The following ROS1 variants were observed in gnomAD, a reference collection of about 807,000 sequenced individuals.
The protein encoded by ROS1 is proto-oncogene tyrosine-protein kinase ROS.
ROS1 carries 263 observed loss-of-function variants against 273.5 expected under a neutral mutation model. That is an observed-to-expected ratio of 0.96 (90% CI 0.87 to 1.06). ROS1 has a LOEUF of 1.06. ROS1 is among the 50% of genes least tolerant of loss of function. The pLI is 0.00. For missense variants in ROS1, 2,833 were observed against 2,751.1 expected (o/e 1.03, Z -0.67); for synonymous variants, 1,008 against 954.1 (o/e 1.06, Z -1.04).
chr6:117,406,426 G>C (rs1446191203), intron 5 of ROS1, among the ~76,000 whole-genome samples: 1 of 152,066 alleles, frequency 6.6e-6, no homozygotes, highest in Non-Finnish European at 1.5e-5. Context: ...ACAGACTATA[G>C]ATATGGTCTT....
intron 27 of ROS1, among the ~76,000 whole-genome samples, chr6:117,348,615 T>G (rs1165623888): frequency 1.3e-5 from 2 of 151,874 alleles, no homozygotes; most frequent in Admixed American, 1.3e-4. Context: ...TTTTTTCTTT[T>G]GTTTTAGTTT....
chr6:117,374,712 C>T (rs889862859), intron 18 of ROS1, among the ~76,000 whole-genome samples: 3 of 152,210 alleles, frequency 2.0e-5, no homozygotes, highest in Non-Finnish European at 4.4e-5. Context: ...AAAATATTCA[C>T]AAACTATGTA....
intron 16 of ROS1, among the ~76,000 whole-genome samples, chr6:117,385,277 G>A (rs532645431): frequency 1.7e-4 from 26 of 152,270 alleles, no homozygotes; most frequent in African/African-American, 6.0e-4. Context: ...AGATGAGGCC[G>A]GGAGCGGTGG....
chr6:117,349,840 T>A (rs1274255333), intron 27 of ROS1, among the ~76,000 whole-genome samples: 1 of 152,040 alleles, frequency 6.6e-6, no homozygotes, highest in Admixed American at 6.6e-5. Flanking sequence ...CTTCACAGGT[T>A]TGCAGTACCT....
intron 26 of ROS1, among the ~76,000 whole-genome samples, chr6:117,355,270 A>T (rs1360022367): frequency 6.6e-6 from 1 of 152,222 alleles, no homozygotes; most frequent in Non-Finnish European, 1.5e-5. Flanking sequence ...ATAACTAAGG[A>T]GGAATCATTC....
intron 39 of ROS1, among the ~76,000 whole-genome samples, chr6:117,315,769 T>C (rs1177245568): frequency 6.6e-6 from 1 of 151,936 alleles, no homozygotes; most frequent in African/African-American, 2.4e-5. Context: ...GATTCCCAGG[T>C]TGAATGTGAA....
intron 18 of ROS1, among the ~76,000 whole-genome samples, chr6:117,372,021 G>A (rs1226854399): frequency 6.6e-6 from 1 of 151,178 alleles, no homozygotes; most frequent in Admixed American, 6.5e-5. Context: ...ACTCTCTTGG[G>A]GGCTCTATAG....
intron 6 of ROS1, 27 bp from the exon 7 acceptor site, chr6:117,403,304 G>T: frequency 6.2e-7 from 1 of 1,604,390 alleles, no homozygotes; most frequent in Non-Finnish European, 8.5e-7. Context: ...TCAATCATCA[G>T]CATTATAGAA....
chr6:117,342,379 CACA>C lies in ROS1; in HGVS notation c.4651+18_4651+20del, dbSNP rs1778006665. On this transcript the variant is annotated intron_variant, in intron 29 of 43. Coordinates refer to ENST00000368507, the MANE Select transcript of ROS1 (RefSeq NM_001378902.1). ...ATCACAATATTCTGCTTGAGAAACC[CACA>C]ACAAGCCCATAACTTACCTCCATTT... 1 of 1,606,240 alleles carries C rather than the reference CACA, an allele frequency of 6.2e-7. No individual in the cohort carries two copies. Among genetic ancestry groups the C allele is most frequent in the African/African-American group, 1.3e-5 (1 of 74,582 alleles).
chr6:117,386,619 G>A (rs530273580), intron 15 of ROS1, among the ~76,000 whole-genome samples: 1 of 152,336 alleles, frequency 6.6e-6, no homozygotes, highest in South Asian at 2.1e-4. Flanking sequence ...GATGGCATTG[G>A]TAGATTAATA....
chr6:117,319,806 C>G (rs1211193921), intron 37 of ROS1, 62 bp downstream of exon 37: 10 of 1,438,106 alleles, frequency 7.0e-6, no homozygotes, highest in Non-Finnish European at 9.6e-6. Flanking sequence ...ATAATTATAT[C>G]CAGGTCAATC....
intron 27 of ROS1, among the ~76,000 whole-genome samples, chr6:117,352,405 T>C (rs1778947529): frequency 6.6e-6 from 1 of 152,156 alleles, no homozygotes; most frequent in African/African-American, 2.4e-5. Flanking sequence ...CACAATAAAA[T>C]TCACAGTTTA....
rs73566873 is a variant in ROS1 at position 117,388,836 on chromosome 6, T to A, written c.1786+514A>T. ...AATAAATATTCCCCATTTCCAGGTG[T>A]GGAAACTGAGACACAGAGTGGTTTA... On this transcript the variant is annotated intron_variant, in intron 13 of 43. Coordinates refer to ENST00000368507, the MANE Select transcript of ROS1 (RefSeq NM_001378902.1). Among the ~76,000 whole-genome samples the A allele has an allele frequency of 7.7e-3, 1,168 of 152,316 alleles. 11 individuals carry two copies. Among genetic ancestry groups the A allele is most frequent in the African/African-American group, 0.026 (1,091 of 41,560 alleles).
chr6:117,375,190 G>A (rs1211001777), intron 18 of ROS1, among the ~76,000 whole-genome samples: 1 of 152,204 alleles, frequency 6.6e-6, no homozygotes, highest in East Asian at 1.9e-4. Context: ...AAGTAACCAG[G>A]AATGGAAAAC....
At chr6:117,304,464 T>C (rs940749051) in intron 42 of ROS1, among the ~76,000 whole-genome samples, 1 of 152,248 alleles carries the variant, frequency 6.6e-6, no homozygotes, top group Non-Finnish European at 1.5e-5. Context: ...AGGAGGTTTT[T>C]ACAGTTGTCC....
Position 117,288,558 on chromosome 6 carries a change from A to G in ROS1, c.6960T>C (p.Ser2320=). 1.2e-6 allele frequency: 2 copies of G among 1,614,154 alleles called. No homozygotes were observed. The highest frequency in any genetic ancestry group is 1.1e-5 in the South Asian group (1 of 91,084). ...CATAGTTCAGGCCTTCAGGCTTGCC[A>G]GAAGGGCAGTAAGCCACTTGTTTTT... ...CQEKQVAYCP[S]GKPEGLNYAC... The change falls in exon 44 of 44, where the codon TCT becomes TCC. Residue 2320 remains serine, a synonymous_variant. Coordinates refer to ENST00000368507, the MANE Select transcript of ROS1 (RefSeq NM_001378902.1).
intron 32 of ROS1, among the ~76,000 whole-genome samples, chr6:117,335,279 C>G (rs1777383703): frequency 6.6e-6 from 1 of 152,114 alleles, no homozygotes; most frequent in African/African-American, 2.4e-5. Context: ...CAAATCAAAA[C>G]TACAATGAGA....
At chr6:117,317,627 A>G (rs1308395412) in intron 38 of ROS1, among the ~76,000 whole-genome samples, 4 of 152,156 alleles carry the variant, frequency 2.6e-5, no homozygotes, top group African/African-American at 9.7e-5. Context: ...TCTCCCTTTC[A>G]GGAAAACAAC....
chr6:117,318,113 T>C (rs1395649125), intron 38 of ROS1, 75 bp downstream of exon 38: 1 of 1,020,904 alleles, frequency 9.8e-7, no homozygotes, highest in African/African-American at 1.6e-5. Context: ...AGTCATGTCA[T>C]TTTGGGTGTT....
Sources: gnomAD v4.1 joint callset for allele counts (sites outside exome capture counted in the v4.1 genomes callset) on GRCh38, gnomAD v4.1.1 for gene constraint, MANE v1.5 for transcripts, NCBI Gene and HGNC (gene_info 2026-07-23, HGNC 2026-07-21) for gene names.